The following SPATA17 variants were observed in gnomAD, a reference collection of about 807,000 sequenced individuals.
The protein encoded by SPATA17 is spermatogenesis associated 17.
In SPATA17, 53 loss-of-function variants were observed where a neutral mutation model predicts 62.2. The ratio of observed to expected loss-of-function variants is 0.85; its 90% CI spans 0.68 to 1.07. SPATA17 has a LOEUF of 1.07. SPATA17 is among the 50% of genes least tolerant of loss of function. The pLI is 0.00. For missense variants in SPATA17, 466 were observed against 425.5 expected, an observed-to-expected ratio of 1.10 and a Z score of -0.84; for synonymous variants, 146 against 146.8, an observed-to-expected ratio of 0.99 and a Z score of 0.04.
chr1:217,785,874 G>T (rs1201542085), intron 8 of SPATA17, among the ~76,000 whole-genome samples: 1 of 152,036 alleles, frequency 6.6e-6, no homozygotes, highest in Non-Finnish European at 1.5e-5. Flanking sequence ...GATTACGGAA[G>T]TTTTTTTGGA....
chr1:217,762,029 C>T (rs1310651980), intron 6 of SPATA17, among the ~76,000 whole-genome samples: 2 of 152,152 alleles, frequency 1.3e-5, no homozygotes, highest in African/African-American at 4.8e-5. Context: ...TTCTGACCTC[C>T]TTCATGAAAT....
chr1:217,871,375 A>T lies in SPATA17; in HGVS notation c.*4356A>T, dbSNP rs944571615. The T allele has an allele frequency of 2.0e-5, 3 of 151,408 alleles. No homozygotes were observed. Among genetic ancestry groups the T allele is most frequent in the Admixed American group, 6.6e-5 (1 of 15,162 alleles). The allele number at this position is 151,408 out of a possible 1,614,324, so 9.4% of individuals were successfully genotyped here. A position where few individuals can be genotyped will look rare whatever the true frequency, so the allele number is the denominator to read the frequency against. ...GTGCTAAATTCATCTTTAATTTATT[A>T]TTTTTTTTCAACCTCAGCTTTTAAC... is the stretch of plus-strand genomic sequence containing the variant. On this transcript the variant is annotated 3_prime_UTR_variant, in exon 11 of 11. Coordinates refer to ENST00000366933, the MANE Select transcript of SPATA17 (RefSeq NM_138796.4).
chr1:217,814,228 T>G (rs1032922401), intron 9 of SPATA17, among the ~76,000 whole-genome samples: 3 of 152,180 alleles, frequency 2.0e-5, no homozygotes, highest in African/African-American at 7.2e-5. Flanking sequence ...TGGAACAAAT[T>G]TTTACAAAGA....
chr1:217,725,050 T>C (rs1033205602), intron 5 of SPATA17, among the ~76,000 whole-genome samples: 1 of 152,196 alleles, frequency 6.6e-6, no homozygotes, highest in African/African-American at 2.4e-5. Flanking sequence ...ATTTTAAGAA[T>C]AGTCATCCAT....
Position 217,782,142 on chromosome 1 carries a change from T to C in SPATA17, c.724-32T>C. 5 of 1,545,664 alleles carry C rather than the reference T, an allele frequency of 3.2e-6. No individual in the cohort carries two copies. The South Asian group carries it at 5.0e-5, about 15-fold the overall frequency. On this transcript the variant is annotated intron_variant, in intron 7 of 10. Transcript: ENST00000366933. ...AGTAATACCTCAAAAAAATCTTCCA[T>C]ATAAAATATGTTCCTCATCCTGTCT...
intron 10 of SPATA17, among the ~76,000 whole-genome samples, chr1:217,863,384 G>T (rs1304492995): frequency 6.6e-6 from 1 of 151,926 alleles, no homozygotes; most frequent in Non-Finnish European, 1.5e-5. Flanking sequence ...GCCCTCCGTG[G>T]CCTCCCAAAA....
intron 8 of SPATA17, among the ~76,000 whole-genome samples, chr1:217,786,039 T>C (rs1230040563): frequency 2.6e-5 from 4 of 152,082 alleles, no homozygotes; most frequent in Admixed American, 2.6e-4. Context: ...GAAGGAACCT[T>C]TATATGGGAA....
At chr1:217,851,995 G>A (rs1675677638) in intron 9 of SPATA17, among the ~76,000 whole-genome samples, 1 of 152,094 alleles carries the variant, frequency 6.6e-6, no homozygotes. Context: ...TTATGCAACG[G>A]CCTCCCCTCC....
At chr1:217,843,602 A>G (rs1333593370) in intron 9 of SPATA17, among the ~76,000 whole-genome samples, 3 of 152,128 alleles carry the variant, frequency 2.0e-5, no homozygotes, top group Admixed American at 6.6e-5. Flanking sequence ...TCTCTGAACC[A>G]GGGGTCAGCA....
At chr1:217,632,199 A>G (rs1185970716) in intron 1 of SPATA17, among the ~76,000 whole-genome samples, 1 of 149,648 alleles carries the variant, frequency 6.7e-6, no homozygotes, top group Non-Finnish European at 1.5e-5. Context: ...TAAATAAATA[A>G]ATATAAATAA....
chr1:217,712,128 C>CTTTTTTTTTTTTT lies in SPATA17; in HGVS notation c.395+28771_395+28772insTTTTTTTTTTTTT, dbSNP rs551988828. Among the ~76,000 whole-genome samples the CTTTTTTTTTTTTT allele has an allele frequency of 4.6e-4, 62 of 134,122 alleles. 8 individuals carry two copies. Among genetic ancestry groups the CTTTTTTTTTTTTT allele is most frequent in the Non-Finnish European group, 5.8e-4 (37 of 64,224 alleles). The allele number at this position is 134,122 out of a possible 152,430, so 88.0% of individuals were successfully genotyped here. ...GGACCCTTAAGTTCTACAATATGTTCTTTTGTTTTTTTTTTTTTACGGAGT... is the reference window on the plus strand; with the variant it reads ...GGACCCTTAAGTTCTACAATATGTTCTTTTTTTTTTTTTTTTTGTTTTTTTTTTTTTACGGAGT... On this transcript the variant is annotated intron_variant, in intron 5 of 10. Transcript: ENST00000366933.
chr1:217,721,196 C>T (rs1430284646), intron 5 of SPATA17, among the ~76,000 whole-genome samples: 3 of 152,180 alleles, frequency 2.0e-5, no homozygotes, highest in Non-Finnish European at 2.9e-5. Flanking sequence ...TATCAATTTA[C>T]TTTGGCTTAA....
At chr1:217,742,203 A>G (rs1250789356) in intron 6 of SPATA17, 105 bp downstream of exon 6, 13 of 1,394,440 alleles carry the variant, frequency 9.3e-6, no homozygotes, top group Non-Finnish European at 1.1e-5. Context: ...AAAAGATATC[A>G]CAAAGACACT....
At chr1:217,718,083 T>C (rs553242249) in intron 5 of SPATA17, among the ~76,000 whole-genome samples, 2 of 152,284 alleles carry the variant, frequency 1.3e-5, no homozygotes, top group South Asian at 4.1e-4. Context: ...TGTCTAATAA[T>C]GGCTGAGCAA....
intron 8 of SPATA17, among the ~76,000 whole-genome samples, chr1:217,791,971 G>C (rs1271420825): frequency 4.6e-5 from 7 of 152,074 alleles, no homozygotes; most frequent in Admixed American, 2.0e-4. Context: ...CTGTAACCAG[G>C]GGTGTCCAGT....
chr1:217,668,412 G>A (rs1670751209), intron 3 of SPATA17, among the ~76,000 whole-genome samples: 1 of 152,092 alleles, frequency 6.6e-6, no homozygotes, highest in African/African-American at 2.4e-5. Flanking sequence ...ACTATATCAA[G>A]GGATTTGCTG....
At chr1:217,799,061 C>A (rs894447205) in intron 8 of SPATA17, among the ~76,000 whole-genome samples, 4 of 151,634 alleles carry the variant, frequency 2.6e-5, no homozygotes, top group Non-Finnish European at 5.9e-5. Flanking sequence ...ATGTTAGTAG[C>A]TATTTATACT....
At chr1:217,830,226 T>G (rs1186781144) in intron 9 of SPATA17, among the ~76,000 whole-genome samples, 3 of 152,152 alleles carry the variant, frequency 2.0e-5, no homozygotes, top group African/African-American at 7.2e-5. Context: ...AAGCAACTCT[T>G]TGAAAATTAT....
At chr1:217,831,612 T>G (rs1173048189) in intron 9 of SPATA17, among the ~76,000 whole-genome samples, 1 of 152,196 alleles carries the variant, frequency 6.6e-6, no homozygotes, top group African/African-American at 2.4e-5. Flanking sequence ...TATTTTCTTA[T>G]GGCAAATAAA....
Sources: allele counts gnomAD v4.1 joint callset (sites outside exome capture counted in the v4.1 genomes callset), GRCh38; gene constraint gnomAD v4.1.1; transcripts MANE v1.5; gene names NCBI Gene and HGNC (gene_info 2026-07-23, HGNC 2026-07-21).